Variants in MYLK observed in about 807,000 individuals in gnomAD.
The protein encoded by MYLK is myosin light chain kinase, smooth muscle.
A neutral mutation model predicts 203.4 loss-of-function variants in MYLK; 106 were observed. The observed-to-expected ratio is 0.52, with a 90% CI of 0.45 to 0.61. The LOEUF (loss-of-function observed/expected upper bound fraction) is 0.61, where lower values mean the gene tolerates loss of function less well. MYLK is among the 20% of genes least tolerant of loss of function. The probability of loss-of-function intolerance (pLI) is 0.00; values close to 1 mark genes in which losing one functional copy is unlikely to be tolerated. For missense variants in MYLK, 2,072 were observed against 2,442.3 expected (o/e 0.85, Z 3.20); for synonymous variants, 867 against 959.5 (o/e 0.90, Z 1.78).
rs1384634888 is a variant in MYLK at position 123,793,957 on chromosome 3, C to T, written c.-3-113G>A. On this transcript the variant is annotated intron_variant, in intron 3 of 33. Transcript: ENST00000360304. ...GGTGTGGCTTTTACGTGGAGCAGAT[C>T]CCCAGTTAGGTCAGTGTCCACCCAC... is the stretch of plus-strand genomic sequence containing the variant. The T allele has an allele frequency of 3.4e-6, 4 of 1,173,872 alleles. No homozygotes were observed. The African/African-American group carries it at 6.0e-5, about 18-fold the overall frequency. The allele number at this position is 1,173,872 out of a possible 1,614,324, so 72.7% of individuals were successfully genotyped here.
chr3:123,626,288 C>A (rs1232398330), intron 31 of MYLK, among the ~76,000 whole-genome samples: 2 of 152,100 alleles, frequency 1.3e-5, no homozygotes, highest in Non-Finnish European at 2.9e-5. Context: ...GAAGTTGGTA[C>A]CACTATTATC....
At chr3:123,766,012 A>C (rs545603652) in intron 4 of MYLK, among the ~76,000 whole-genome samples, 1 of 152,334 alleles carries the variant, frequency 6.6e-6, no homozygotes, top group South Asian at 2.1e-4. Context: ...GTTGTGCAAC[A>C]ATGTGAATGT....
rs908642093 is a variant in MYLK at position 123,667,201 on chromosome 3, G to A, written c.3653-14C>T. 3.7e-6 allele frequency: 6 copies of A among 1,613,776 alleles called. No homozygotes were observed. The highest frequency in any genetic ancestry group is 5.1e-6 in the Non-Finnish European group (6 of 1,179,782). ...CAGTCGCATCACCTGAAACAAAGAA[G>A]TTCACAAGTTATTTCCTGTAGTTCT... On this transcript the variant is annotated splice_polypyrimidine_tract_variant and intron_variant, in intron 20 of 33. Coordinates refer to ENST00000360304, the MANE Select transcript of MYLK (RefSeq NM_053025.4).
intron 21 of MYLK, 65 bp from the exon 22 acceptor site, chr3:123,666,411 C>A: frequency 6.2e-7 from 1 of 1,608,600 alleles, no homozygotes; most frequent in Non-Finnish European, 8.5e-7. Context: ...TCACATTCGA[C>A]GCCATTGTCC....
At chr3:123,772,579 A>G (rs1164744907) in intron 4 of MYLK, among the ~76,000 whole-genome samples, 1 of 152,122 alleles carries the variant, frequency 6.6e-6, no homozygotes, top group Non-Finnish European at 1.5e-5. Flanking sequence ...AAATTTCTGT[A>G]CAAAAGTAAA....
intron 3 of MYLK, among the ~76,000 whole-genome samples, chr3:123,827,471 C>T (rs2066158225): frequency 6.6e-6 from 1 of 151,542 alleles, no homozygotes; most frequent in Non-Finnish European, 1.5e-5. Flanking sequence ...CAAAAGGAAT[C>T]TTACAGGCCA....
intron 24 of MYLK, among the ~76,000 whole-genome samples, chr3:123,649,460 T>C (rs2059135939): frequency 6.6e-6 from 1 of 152,238 alleles, no homozygotes; most frequent in Admixed American, 6.5e-5. Context: ...TCTAGCCTCA[T>C]GGTCCCCAGA....
intron 1 of MYLK, among the ~76,000 whole-genome samples, chr3:123,883,855 C>A (rs754590330): frequency 6.6e-6 from 1 of 152,182 alleles, no homozygotes; most frequent in Non-Finnish European, 1.5e-5. Context: ...GCACCCCCTT[C>A]CCAGAGGCCG....
chr3:123,726,206 T>G, intron 11 of MYLK, 128 bp from the exon 12 acceptor site: 1 of 1,240,528 alleles, frequency 8.1e-7, no homozygotes, highest in Non-Finnish European at 1.1e-6. Context: ...AGCCTGCCTT[T>G]GGCTTCTCTC....
chr3:123,866,105 G>T (rs2032309342), intron 2 of MYLK, among the ~76,000 whole-genome samples: 1 of 152,162 alleles, frequency 6.6e-6, no homozygotes, highest in Non-Finnish European at 1.5e-5. Flanking sequence ...CAGCTTTTCA[G>T]GTCTTCACAA....
At chr3:123,702,922 C>T (rs1338549061) in intron 16 of MYLK, among the ~76,000 whole-genome samples, 2 of 152,186 alleles carry the variant, frequency 1.3e-5, no homozygotes, top group African/African-American at 2.4e-5. Context: ...ACCCTATGAC[C>T]TTTGCACTCT....
intron 5 of MYLK, among the ~76,000 whole-genome samples, chr3:123,751,089 T>C (rs1187665734): frequency 3.9e-5 from 6 of 152,180 alleles, no homozygotes; most frequent in African/African-American, 1.4e-4. Flanking sequence ...GAAAACCAGA[T>C]TGGGAGGACA....
In MYLK at chr3:123,620,349, C is replaced by CA; in HGVS notation, c.5239-14dup. 1 of 1,614,014 alleles carries CA rather than the reference C, an allele frequency of 6.2e-7. No individual in the cohort carries two copies. The highest frequency in any genetic ancestry group is 1.1e-5 in the South Asian group (1 of 91,082). On this transcript the variant is annotated splice_polypyrimidine_tract_variant and intron_variant, in intron 31 of 33. Coordinates refer to ENST00000360304, the MANE Select transcript of MYLK (RefSeq NM_053025.4). ...CATTGCCCGTTTTCTGGAAAATAGA[C>CA]ACGAGGGTTGGACTCAGGCGTTGTC...
At chr3:123,765,479 C>T (rs1009266048) in intron 4 of MYLK, among the ~76,000 whole-genome samples, 10 of 149,790 alleles carry the variant, frequency 6.7e-5, no homozygotes, top group Non-Finnish European at 1.3e-4. Flanking sequence ...TGCAATGAGC[C>T]GAGATTGCGC....
intron 19 of MYLK, among the ~76,000 whole-genome samples, chr3:123,683,278 A>G: frequency 7.6e-6 from 1 of 131,654 alleles, no homozygotes; most frequent in African/African-American, 2.9e-5. Context: ...TGAGGAGAGG[A>G]AGCTAAGTGG....
chr3:123,666,137 C>T lies in MYLK; in HGVS notation c.3831+82G>A, dbSNP rs368200877. ...ACGAAGAGTGAGGCCATCTCCAGCA[C>T]GGCATTTCTCATCCCTTTCGGTCCA... is the stretch of plus-strand genomic sequence containing the variant. On this transcript the variant is annotated intron_variant, in intron 22 of 33. Coordinates refer to ENST00000360304, the MANE Select transcript of MYLK (RefSeq NM_053025.4). The T allele has an allele frequency of 1.9e-4, 298 of 1,606,386 alleles. 2 individuals carry two copies. Among genetic ancestry groups the T allele is most frequent in the Middle Eastern group, 5.0e-4 (3 of 6,060 alleles).
chr3:123,714,118 T>C (rs762541136), intron 13 of MYLK, among the ~76,000 whole-genome samples: 1 of 152,172 alleles, frequency 6.6e-6, no homozygotes, highest in Non-Finnish European at 1.5e-5. Flanking sequence ...TTCCAAAAGA[T>C]GTTCATAGCT....
intron 29 of MYLK, among the ~76,000 whole-genome samples, chr3:123,635,138 C>T (rs2058591606): frequency 6.6e-6 from 1 of 152,174 alleles, no homozygotes; most frequent in South Asian, 2.1e-4. Context: ...GAAAGGAGAA[C>T]AGGAGGGGCT....
At chr3:123,664,043 G>C in intron 23 of MYLK, 62 bp downstream of exon 23, 3 of 1,608,914 alleles carry the variant, frequency 1.9e-6, no homozygotes, top group Non-Finnish European at 2.5e-6. Context: ...CACGTATCTT[G>C]CCTGGGGGCT....
Sources: allele counts gnomAD v4.1 joint callset (sites outside exome capture counted in the v4.1 genomes callset), GRCh38; gene constraint gnomAD v4.1.1; transcripts MANE v1.5; gene names NCBI Gene and HGNC (gene_info 2026-07-23, HGNC 2026-07-21).